Variants in BANP observed in about 807,000 individuals in gnomAD.
BANP encodes the protein BTG3 associated nuclear protein, also known as protein BANP.
In BANP, 11 loss-of-function variants were observed where a neutral mutation model predicts 68.1. The observed-to-expected ratio is 0.16, with a 90% CI of 0.10 to 0.27. The LOEUF is 0.27. Among genes scored for constraint, BANP ranks in the 10% least tolerant of loss-of-function variants. BANP has a pLI of 1.00. For synonymous variants in BANP, 329 were observed against 303.2 expected (o/e 1.09, Z -0.88); for missense variants, 504 against 722.7 (o/e 0.70, Z 3.47).
At chr16:87,978,545 CA>C in intron 2 of BANP, 1 of 459,952 alleles carries the variant, frequency 2.2e-6, no homozygotes, top group South Asian at 1.6e-5. Flanking sequence ...TTAAAAGTTT[CA>C]TTAAGTGAGA....
intron 4 of BANP, among the ~76,000 whole-genome samples, chr16:87,996,642 G>A (rs1482393422): frequency 6.6e-6 from 1 of 151,514 alleles, no homozygotes; most frequent in South Asian, 2.1e-4. Context: ...CCTCGTCCTG[G>A]GCGCCAGCTG....
chr16:88,044,904 C>A lies in BANP; in HGVS notation c.1311+6893C>A, dbSNP rs564622595. On this transcript the variant is annotated intron_variant, in intron 11 of 13. Coordinates refer to ENST00000682872, the MANE Select transcript of BANP (RefSeq NM_001386991.1). ...GGCTGAGGCAGGAGAATGGCTTGAA[C>A]CCTGGAGGCGGAGCTTGCATTGAGC... Among the ~76,000 whole-genome samples the A allele has an allele frequency of 8.2e-4, 125 of 152,246 alleles. 1 individual carries two copies. The highest frequency in any genetic ancestry group is 3.4e-3 in the Middle Eastern group (1 of 294).
rs2083565692 is a variant in BANP, at chr16:88,052,761, TACCATCTCCATC to T, written c.1312-12504_1312-12493del. On this transcript the variant is annotated intron_variant, in intron 11 of 13. Transcript: ENST00000682872. ...CCACTACCACCACCACCTTTACCAT[TACCATCTCCATC>T]ATCATCACTAACATAACCACCTTAA... Among the ~76,000 whole-genome samples, 5 of 147,828 alleles carry T rather than the reference TACCATCTCCATC, an allele frequency of 3.4e-5. No homozygotes were observed. In the South Asian group the frequency reaches 1.1e-3, roughly 32 times the overall value.
rs903874661 is a variant in BANP at position 87,957,934 on chromosome 16, G to T, written c.-69+6419G>T. Among the ~76,000 whole-genome samples, 1 of 151,932 alleles carries T rather than the reference G, an allele frequency of 6.6e-6. No homozygotes were observed. The highest frequency in any genetic ancestry group is 1.5e-5 in the Non-Finnish European group (1 of 67,976). ...AGCTCTTGTGTCGGTGGGAGCTGGC[G>T]GTGGGTCCCTGAGCAGAGTGCTGCC... On this transcript the variant is annotated intron_variant, in intron 1 of 13. Coordinates refer to ENST00000682872, the MANE Select transcript of BANP (RefSeq NM_001386991.1). This position sits in a 1 kb window ranked among gnomAD's most constrained non-coding sequence, Gnocchi z 4.3.
rs2070334691 is a variant in BANP at position 88,004,331 on chromosome 16, TC to T, written c.400del (p.Arg134GlyfsTer6). ...PQTTVILNNDRQNAIVAKMED... is the reference protein window; with the variant it reads ...PQTTVILNNDXQNAIVAKMED... ...AGACTACAGTAATACTCAACAATGATCGGCAGAACGCCATTGTAGCCAAGAT... is the reference window on the plus strand; with the variant it reads ...AGACTACAGTAATACTCAACAATGATGGCAGAACGCCATTGTAGCCAAGAT... On this transcript the variant is annotated frameshift_variant, in exon 5 of 14. Transcript: ENST00000682872. LOFTEE classifies it high-confidence loss of function. This position sits in a 1 kb window ranked among gnomAD's most constrained non-coding sequence, Gnocchi z 7.0. 1 of 1,549,936 alleles carries T rather than the reference TC, an allele frequency of 6.5e-7. No homozygotes were observed. Among genetic ancestry groups the T allele is most frequent in the Admixed American group, 2.0e-5 (1 of 51,012 alleles).
At chr16:88,034,009 A>G (rs2078761908) in intron 9 of BANP, among the ~76,000 whole-genome samples, 1 of 152,160 alleles carries the variant, frequency 6.6e-6, no homozygotes, top group Non-Finnish European at 1.5e-5. Context: ...GGGCCCTCTG[A>G]AGACAGGTCA....
intron 6 of BANP, among the ~76,000 whole-genome samples, chr16:88,011,337 A>C (rs4843841): frequency 3.3e-5 from 5 of 151,702 alleles, no homozygotes; most frequent in South Asian, 4.2e-4. Flanking sequence ...CTGTGAGACC[A>C]GACGCCTGGA....
chr16:87,950,185 C>T (rs2056679023), upstream of BANP, among the ~76,000 whole-genome samples: 1 of 152,078 alleles, frequency 6.6e-6, no homozygotes, highest in Non-Finnish European at 1.5e-5. Context: ...CCAGCATTTT[C>T]TTTTTCCCAG....
intron 10 of BANP, 147 bp downstream of exon 10, chr16:88,035,541 C>T (rs1204997373): frequency 1.4e-5 from 10 of 711,318 alleles, no homozygotes; most frequent in Non-Finnish European, 2.3e-5. Context: ...TTCCAGGGTG[C>T]ACATAGCGGG....
At position 88,076,788 on chromosome 16, in the gene BANP, G is replaced by T. The variant is rs181731147; in HGVS notation, c.*127G>T. 99 of 737,400 alleles carry T rather than the reference G, an allele frequency of 1.3e-4. 3 individuals are homozygous for T. In the African/African-American group the frequency reaches 1.5e-3, roughly 11 times the overall value. 45.7% of individuals were successfully genotyped at this position (737,400 alleles called of 1,614,324 possible). On this transcript the variant is annotated 3_prime_UTR_variant, in exon 14 of 14. Transcript: ENST00000682872. ...TTCTGCTGAAGTGCGTCTGAAGGCC[G>T]CTGCCTCCGCGGGGAACAGCATCCT... is the stretch of plus-strand genomic sequence containing the variant.
chr16:88,059,564 C>T (rs1015524444), intron 11 of BANP, among the ~76,000 whole-genome samples: 5 of 152,128 alleles, frequency 3.3e-5, no homozygotes, highest in African/African-American at 1.2e-4. Flanking sequence ...CTCCCCATCC[C>T]CATACCATCT....
rs567727570 is a variant in BANP at position 87,951,704 on chromosome 16, C to T, written c.-69+189C>T. On this transcript the variant is annotated intron_variant, in intron 1 of 13. Transcript: ENST00000682872. ...CCCGCTCCCCGTCCCCGGCCGCGCCCCGGAAGAGGGGCTCCCGCTTCCTCG... is the reference window on the plus strand; with the variant it reads ...CCCGCTCCCCGTCCCCGGCCGCGCCTCGGAAGAGGGGCTCCCGCTTCCTCG... Among the ~76,000 whole-genome samples the T allele has an allele frequency of 1.2e-3, 178 of 149,858 alleles. 1 individual carries two copies. Among genetic ancestry groups the T allele is most frequent in the South Asian group, 6.2e-3 (30 of 4,822 alleles).
chr16:88,065,897 G>A (rs1297199420), intron 12 of BANP, among the ~76,000 whole-genome samples: 2 of 152,052 alleles, frequency 1.3e-5, no homozygotes, highest in Admixed American at 6.5e-5. Context: ...CTCCCCTCTG[G>A]GAGGGCCCCA....
At chr16:88,045,030 T>C (rs1391972366) in intron 11 of BANP, among the ~76,000 whole-genome samples, 6 of 152,248 alleles carry the variant, frequency 3.9e-5, no homozygotes, top group Admixed American at 6.5e-5. Flanking sequence ...CAAATATTAA[T>C]ATTCTTCCTC....
chr16:88,038,051 T>C (rs1295025078), intron 11 of BANP, 40 bp downstream of exon 11: 2 of 1,433,754 alleles, frequency 1.4e-6, no homozygotes. Flanking sequence ...GGCGTTGCGC[T>C]GCCGAGGGAT....
chr16:88,070,691 C>T (rs963995753), intron 12 of BANP, among the ~76,000 whole-genome samples: 62 of 152,124 alleles, frequency 4.1e-4, no homozygotes, highest in African/African-American at 1.4e-3. Context: ...GGGGGGCCTG[C>T]AGGCCTGTAG....
At chr16:88,026,861 G>A (rs2077099461) in intron 7 of BANP, among the ~76,000 whole-genome samples, 1 of 152,252 alleles carries the variant, frequency 6.6e-6, no homozygotes, top group Admixed American at 6.5e-5. Context: ...GTGTTTGTGA[G>A]GGGGACAGAG....
chr16:87,981,183 C>G, intron 3 of BANP, 56 bp downstream of exon 3: 1 of 1,282,356 alleles, frequency 7.8e-7, no homozygotes, highest in East Asian at 2.3e-5. Flanking sequence ...TCAAGGGCTG[C>G]TATAACAAAT....
In BANP at chr16:88,037,999, G is replaced by C. The variant is rs1338605901; in HGVS notation, c.1299G>C (p.Gly433=). The C allele has an allele frequency of 7.4e-6, 12 of 1,613,802 alleles. No individual in the cohort carries two copies. The highest frequency in any genetic ancestry group is 1.6e-4 in the Middle Eastern group (1 of 6,078). The part of the protein sequence containing the change: ...SEGNLQIHHV[G]QDGQLLEATR... ...GCAACCTCCAGATCCATCACGTGGG[G>C]CAGGACGGTCAGGTGAGTGTCCCAG... The change falls in exon 11 of 14, where the codon GGG becomes GGC. Residue 433 remains glycine, a synonymous_variant. Coordinates refer to ENST00000682872, the MANE Select transcript of BANP (RefSeq NM_001386991.1).
Sources: gnomAD v4.1 joint callset for allele counts (sites outside exome capture counted in the v4.1 genomes callset) on GRCh38, gnomAD v4.1.1 for gene constraint, Gnocchi (gnomAD v3.1) non-coding constraint, MANE v1.5 for transcripts, NCBI Gene and HGNC (gene_info 2026-07-23, HGNC 2026-07-21) for gene names.